TMEM132D: variants seen among roughly 807,000 people sequenced by gnomAD.
TMEM132D encodes the protein mature OL transmembrane protein.
Under a neutral mutation model 62.3 loss-of-function variants are expected in TMEM132D, and 21 were observed. The observed-to-expected ratio is 0.34, with a 90% confidence interval of 0.24 to 0.49. The LOEUF (loss-of-function observed/expected upper bound fraction) is 0.49, where lower values mean the gene tolerates loss of function less well. Among genes scored for constraint, TMEM132D ranks in the 20% least tolerant of loss-of-function variants. TMEM132D has a pLI of 0.99. For synonymous variants in TMEM132D, 621 were observed against 575.6 expected (o/e 1.08, Z -1.13); for missense variants, 1,346 against 1,402.8 (o/e 0.96, Z 0.65).
intron 4 of TMEM132D, among the ~76,000 whole-genome samples, chr12:129,279,335 G>T (rs1042795209): frequency 6.6e-6 from 1 of 152,146 alleles, no homozygotes; most frequent in Non-Finnish European, 1.5e-5. Context: ...GGACCTTGGC[G>T]AAATACTAAA....
intron 5 of TMEM132D, among the ~76,000 whole-genome samples, chr12:129,173,521 A>C (rs1162831382): frequency 6.6e-6 from 1 of 152,204 alleles, no homozygotes; most frequent in Non-Finnish European, 1.5e-5. Context: ...GGGATTCTTC[A>C]TCTGATGAGT....
At chr12:129,820,488 A>G (rs1872515063) in intron 1 of TMEM132D, among the ~76,000 whole-genome samples, 2 of 152,172 alleles carry the variant, frequency 1.3e-5, no homozygotes, top group Non-Finnish European at 2.9e-5. Context: ...CATTATAAAT[A>G]TCTCAAGCAC....
chr12:129,478,035 A>C (rs1161976300), intron 3 of TMEM132D, among the ~76,000 whole-genome samples: 3 of 152,200 alleles, frequency 2.0e-5, no homozygotes, highest in African/African-American at 7.2e-5. Context: ...CTGGGCTACA[A>C]GTCTGTACCA....
intron 2 of TMEM132D, among the ~76,000 whole-genome samples, chr12:129,643,597 A>G (rs528449363): frequency 6.6e-6 from 1 of 152,256 alleles, no homozygotes; most frequent in East Asian, 1.9e-4. Context: ...GGGGCCCCCA[A>G]ATCACTAAGC....
chr12:129,710,396 AG>A (rs1452340113), intron 1 of TMEM132D, among the ~76,000 whole-genome samples: 2 of 152,180 alleles, frequency 1.3e-5, no homozygotes, highest in African/African-American at 4.8e-5. Context: ...CCCGTGTTCA[AG>A]TGATTCTCCT....
chr12:129,396,504 A>C (rs1224502650), intron 3 of TMEM132D, among the ~76,000 whole-genome samples: 1 of 152,114 alleles, frequency 6.6e-6, no homozygotes, highest in African/African-American at 2.4e-5. Context: ...TTCCTTTCCT[A>C]CTGGCTGGAA....
intron 3 of TMEM132D, among the ~76,000 whole-genome samples, chr12:129,420,227 G>GA (rs1282680277): frequency 2.7e-5 from 4 of 150,372 alleles, no homozygotes; most frequent in Non-Finnish European, 4.4e-5. Context: ...ACACAGCCAA[G>GA]ACACTGTACC....
chr12:129,806,688 CATAATA>C (rs1287465162), intron 1 of TMEM132D, among the ~76,000 whole-genome samples: 3 of 150,540 alleles, frequency 2.0e-5, no homozygotes, highest in African/African-American at 4.9e-5. Context: ...AAACTTAAAG[CATAATA>C]ATAAAAGAAA....
chr12:129,332,085 G>A (rs963777662), intron 4 of TMEM132D, among the ~76,000 whole-genome samples: 1 of 152,140 alleles, frequency 6.6e-6, no homozygotes, highest in Non-Finnish European at 1.5e-5. Flanking sequence ...ATCTGGAGAA[G>A]AGTAAACACC....
chr12:129,452,304 G>A (rs78905099), intron 3 of TMEM132D, among the ~76,000 whole-genome samples: 1,785 of 152,304 alleles, frequency 0.012, 33 homozygotes, highest in African/African-American at 0.039. Flanking sequence ...CACTATGAAC[G>A]TACTTGGGTT....
intron 3 of TMEM132D, among the ~76,000 whole-genome samples, chr12:129,474,628 C>T (rs1197328909): frequency 6.6e-6 from 1 of 152,190 alleles, no homozygotes; most frequent in Non-Finnish European, 1.5e-5. Context: ...CTTCTCGTCC[C>T]TTCGCGTTGA....
chr12:129,250,554 C>T (rs35837328), intron 4 of TMEM132D, among the ~76,000 whole-genome samples: 3 of 152,172 alleles, frequency 2.0e-5, no homozygotes, highest in South Asian at 4.1e-4. Context: ...CACCCCTGTG[C>T]GTGGTGGATA....
rs1384888957 is a variant in TMEM132D, at chr12:129,231,859, G to A, written c.1300-22196C>T. 2.0e-5 allele frequency among the ~76,000 whole-genome samples: 3 copies of A among 152,336 alleles called. No homozygotes were observed. In the South Asian group the frequency reaches 6.2e-4, roughly 32 times the overall value. On this transcript the variant is annotated intron_variant, in intron 4 of 8. Transcript: ENST00000422113. ...TAAGGTCCTGGGGCACCTGAGGTTG[G>A]TCCAGAGAAGTGGTTCTCAACCAAG...
chr12:129,589,707 C>T (rs1035934773), intron 2 of TMEM132D, among the ~76,000 whole-genome samples: 4 of 152,146 alleles, frequency 2.6e-5, no homozygotes, highest in African/African-American at 9.7e-5. Context: ...CAAAGCTTAT[C>T]GTCATGGGTG....
chr12:129,112,612 A>C (rs1875753996), intron 5 of TMEM132D, among the ~76,000 whole-genome samples: 1 of 152,214 alleles, frequency 6.6e-6, no homozygotes, highest in Non-Finnish European at 1.5e-5. Context: ...GCGGTGAGCC[A>C]AGATCATGCC....
chr12:129,503,912 T>C (rs1875240220), intron 3 of TMEM132D, among the ~76,000 whole-genome samples: 1 of 152,150 alleles, frequency 6.6e-6, no homozygotes, highest in African/African-American at 2.4e-5. Context: ...ATAATCACTA[T>C]TGCCATCATC....
intron 1 of TMEM132D, among the ~76,000 whole-genome samples, chr12:129,730,417 A>G (rs867647223): frequency 6.6e-6 from 1 of 152,156 alleles, no homozygotes; most frequent in Non-Finnish European, 1.5e-5. Context: ...TGCTGTTTCA[A>G]TTGGTTAAGA....
At chr12:129,523,824 C>G (rs2137083116) in intron 3 of TMEM132D, among the ~76,000 whole-genome samples, 1 of 152,268 alleles carries the variant, frequency 6.6e-6, no homozygotes, top group South Asian at 2.1e-4. Flanking sequence ...TTCCCCTTGA[C>G]TGCCAGGCCA....
chr12:129,388,389 T>C (rs113072837), intron 3 of TMEM132D, among the ~76,000 whole-genome samples: 103 of 78,006 alleles, frequency 1.3e-3, no homozygotes, highest in African/African-American at 2.0e-3. Context: ...ATATTAACAC[T>C]AACACGAATC....
Sources: gnomAD v4.1 joint callset for allele counts (sites outside exome capture counted in the v4.1 genomes callset) on GRCh38, gnomAD v4.1.1 for gene constraint, MANE v1.5 for transcripts, NCBI Gene and HGNC (gene_info 2026-07-23, HGNC 2026-07-21) for gene names.